The following CCDC18 variants were observed in gnomAD, a reference collection of about 807,000 sequenced individuals.
The protein encoded by CCDC18 is coiled-coil domain-containing protein 18.
A neutral mutation model predicts 196.0 loss-of-function variants in CCDC18; 157 were observed. That is an observed-to-expected ratio of 0.80 (90% CI 0.70 to 0.91). CCDC18 has a LOEUF of 0.91. CCDC18 is among the 40% of genes least tolerant of loss of function. CCDC18 has a pLI of 0.00. For synonymous variants in CCDC18, 482 were observed against 529.2 expected, an observed-to-expected ratio of 0.91 and a Z score of 1.22; for missense variants, 1,465 against 1,611.6, an observed-to-expected ratio of 0.91 and a Z score of 1.56.
chr1:93,228,042 C>T (rs1658684937), intron 17 of CCDC18, among the ~76,000 whole-genome samples: 2 of 148,298 alleles, frequency 1.3e-5, no homozygotes, highest in South Asian at 4.2e-4. Flanking sequence ...CAGAAAGGTC[C>T]AATGAGAAAA....
At chr1:93,220,918 A>C (rs1427400754) in intron 14 of CCDC18, among the ~76,000 whole-genome samples, 1 of 152,142 alleles carries the variant, frequency 6.6e-6, no homozygotes, top group African/African-American at 2.4e-5. Flanking sequence ...GCTGAGGATA[A>C]TGGCTTCCAA....
At chr1:93,267,331 TATC>T (rs1664665388) in intron 27 of CCDC18, among the ~76,000 whole-genome samples, 1 of 152,112 alleles carries the variant, frequency 6.6e-6, no homozygotes, top group Non-Finnish European at 1.5e-5. Flanking sequence ...CCACAGCCAA[TATC>T]ATACTGAATG....
chr1:93,212,639 C>A (rs1211867428), intron 11 of CCDC18, among the ~76,000 whole-genome samples: 1 of 152,090 alleles, frequency 6.6e-6, no homozygotes, highest in East Asian at 1.9e-4. Flanking sequence ...TAGTTGTGGT[C>A]TGATAAGACA....
In CCDC18 at chr1:93,221,620, A is replaced by G. The variant is rs1424315214; in HGVS notation, c.1974A>G (p.Gln658=). The G allele has an allele frequency of 7.2e-6, 11 of 1,534,014 alleles. 1 individual carries two copies. In the Middle Eastern group the frequency reaches 1.2e-3, roughly 169 times the overall value. ...GTTTTCATGTTTAGCTTGAAGCTCA[A>G]CTAGAGAAAAAGGACCAACAATTTA... The part of the protein sequence containing the change: ...MEKQIERLEA[Q]LEKKDQQFKE... The change falls in exon 15 of 29, where the codon CAA becomes CAG. Residue 658 remains glutamine, a synonymous_variant. Transcript: ENST00000690025.
intron 28 of CCDC18, among the ~76,000 whole-genome samples, chr1:93,273,752 ACT>A (rs375982583): frequency 2.6e-4 from 39 of 152,260 alleles, no homozygotes; most frequent in African/African-American, 9.2e-4. Flanking sequence ...GATATGCAAG[ACT>A]CTCTTTTTGG....
At chr1:93,237,160 C>T (rs867037984) in intron 19 of CCDC18, among the ~76,000 whole-genome samples, 1 of 152,202 alleles carries the variant, frequency 6.6e-6, no homozygotes, top group Non-Finnish European at 1.5e-5. Flanking sequence ...AGAGGAGCAA[C>T]TTGCTTCCTC....
At chr1:93,198,347 C>T (rs1419201067) in intron 6 of CCDC18, among the ~76,000 whole-genome samples, 2 of 152,148 alleles carry the variant, frequency 1.3e-5, no homozygotes, top group Non-Finnish European at 2.9e-5. Context: ...ACATATAATG[C>T]TCAGCAGAAG....
At chr1:93,256,680 C>T (rs887492947) in intron 25 of CCDC18, 142 bp downstream of exon 25, 5 of 697,904 alleles carry the variant, frequency 7.2e-6, no homozygotes, top group Non-Finnish European at 1.2e-5. Flanking sequence ...GAATTATACA[C>T]TTAAAAATGG....
In CCDC18 at chr1:93,191,962, T is replaced by TAA. The variant is rs574445407; in HGVS notation, c.463-38_463-37insAA. On this transcript the variant is annotated intron_variant, in intron 4 of 28. Transcript: ENST00000690025. ...CTAAGGACCAAGTAGGTTAATTTAT[T>TAA]TTCTGAAAGTACTATAAAAGTTGTT... 490 of 1,427,356 alleles carry TAA rather than the reference T, an allele frequency of 3.4e-4. No individual in the cohort carries two copies. The African/African-American group carries it at 6.5e-3, about 19-fold the overall frequency. 88.4% of individuals were successfully genotyped at this position (1,427,356 alleles called of 1,614,324 possible).
At chr1:93,203,359 T>C (rs1206176515) in intron 7 of CCDC18, among the ~76,000 whole-genome samples, 1 of 152,184 alleles carries the variant, frequency 6.6e-6, no homozygotes, top group African/African-American at 2.4e-5. Flanking sequence ...TATCCAGTTA[T>C]AGGTAGGCTT....
intron 18 of CCDC18, among the ~76,000 whole-genome samples, chr1:93,235,403 G>A (rs2100770991): frequency 6.6e-6 from 1 of 152,284 alleles, no homozygotes; most frequent in South Asian, 2.1e-4. Context: ...ACTGGAATCA[G>A]TGTCAAGTAA....
At chr1:93,234,812 T>G (rs1448713611) in intron 18 of CCDC18, among the ~76,000 whole-genome samples, 3 of 121,598 alleles carry the variant, frequency 2.5e-5, no homozygotes, top group African/African-American at 1.1e-4. Context: ...AGACCGGGTC[T>G]TACTTTGTCA....
chr1:93,265,829 C>A (rs926306265), intron 27 of CCDC18, among the ~76,000 whole-genome samples: 3 of 152,122 alleles, frequency 2.0e-5, no homozygotes, highest in Non-Finnish European at 4.4e-5. Context: ...ACTTAGACTC[C>A]CACACAATAA....
At chr1:93,246,993 T>A (rs760334036) in intron 23 of CCDC18, 39 bp downstream of exon 23, 47 of 898,172 alleles carry the variant, frequency 5.2e-5, no homozygotes, top group South Asian at 2.3e-4. Context: ...AATTATTTTT[T>A]AAAAAATTCA....
At chr1:93,225,905 T>C (rs956416777) in intron 16 of CCDC18, among the ~76,000 whole-genome samples, 3 of 152,170 alleles carry the variant, frequency 2.0e-5, no homozygotes, top group African/African-American at 7.2e-5. Context: ...AAAGAAAAGT[T>C]TTTAGAGTGT....
chr1:93,191,224 G>C (rs997709824), intron 4 of CCDC18, among the ~76,000 whole-genome samples: 4 of 151,974 alleles, frequency 2.6e-5, no homozygotes, highest in African/African-American at 7.3e-5. Context: ...TGTTACAGCT[G>C]TACTTCATTC....
At chr1:93,185,672 A>G (rs564788887) in intron 3 of CCDC18, among the ~76,000 whole-genome samples, 3 of 151,996 alleles carry the variant, frequency 2.0e-5, no homozygotes, top group African/African-American at 7.2e-5. Context: ...TTATGTATGC[A>G]TGTGGAATTA....
chr1:93,206,243 C>T (rs1050426496), intron 8 of CCDC18, among the ~76,000 whole-genome samples: 7 of 152,004 alleles, frequency 4.6e-5, no homozygotes, highest in African/African-American at 1.2e-4. Context: ...CCATACTTTC[C>T]TTAAGGTAGT....
chr1:93,228,049 A>T (rs1212879639), intron 17 of CCDC18, among the ~76,000 whole-genome samples: 1 of 151,090 alleles, frequency 6.6e-6, no homozygotes, highest in Non-Finnish European at 1.5e-5. Flanking sequence ...GTCCAATGAG[A>T]AAAACAGAAG....
Sources: allele counts gnomAD v4.1 joint callset (sites outside exome capture counted in the v4.1 genomes callset), GRCh38; gene constraint gnomAD v4.1.1; transcripts MANE v1.5; gene names NCBI Gene and HGNC (gene_info 2026-07-23, HGNC 2026-07-21).